Variants in ANKRD17 observed in about 807,000 individuals in gnomAD.
The protein encoded by ANKRD17 is ankyrin repeat domain-containing protein 17.
A neutral mutation model predicts 229.7 loss-of-function variants in ANKRD17; 19 were observed. The ratio of observed to expected loss-of-function variants is 0.08; its 90% CI spans 0.06 to 0.12. ANKRD17 has a LOEUF of 0.12. ANKRD17 is among the 10% of genes least tolerant of loss of function. The pLI is 1.00. For missense variants in ANKRD17, 2,176 were observed against 3,176.8 expected, an observed-to-expected ratio of 0.68 and a Z score of 7.57; for synonymous variants, 1,112 against 1,146.1, an observed-to-expected ratio of 0.97 and a Z score of 0.60.
chr4:73,254,405 C>T (rs573679971), intron 1 of ANKRD17, among the ~76,000 whole-genome samples: 145 of 152,282 alleles, frequency 9.5e-4, no homozygotes, highest in South Asian at 1.9e-3. Context: ...CTGATCAACT[C>T]CTACTGTATT....
In ANKRD17 at chr4:73,073,929, C is replaced by T. The variant is rs1720858364; in HGVS notation, c.*2302G>A. On this transcript the variant is annotated 3_prime_UTR_variant, in exon 34 of 34. Transcript: ENST00000358602. Reference sequence around the variant, plus strand: ...ATGATGTAGTCTGCATATACACATACCACATATTTTCAAAATTAAAAAATA... The same window carrying T: ...ATGATGTAGTCTGCATATACACATATCACATATTTTCAAAATTAAAAAATA... The T allele has an allele frequency of 1.3e-5, 2 of 151,902 alleles. No homozygotes were observed. Among genetic ancestry groups the T allele is most frequent in the Admixed American group, 6.6e-5 (1 of 15,252 alleles). 9.4% of individuals were successfully genotyped at this position (151,902 alleles called of 1,614,324 possible).
intron 1 of ANKRD17, among the ~76,000 whole-genome samples, chr4:73,213,238 C>T (rs145398244): frequency 1.3e-5 from 2 of 152,038 alleles, no homozygotes; most frequent in Non-Finnish European, 2.9e-5. Context: ...AGGACAGATT[C>T]AAGGTTAGAA....
chr4:73,138,964 T>C (rs1279661329), intron 15 of ANKRD17, among the ~76,000 whole-genome samples: 1 of 152,148 alleles, frequency 6.6e-6, no homozygotes, highest in Non-Finnish European at 1.5e-5. Flanking sequence ...GACTACACAT[T>C]AACATTCACA....
Position 73,237,250 on chromosome 4 carries a change from G to A in ANKRD17, c.393+21026C>T, listed in dbSNP as rs551413898. ...GCAAAGCTGTTCTTCTGGGATCCCT[G>A]GGATACAAAACAAAACTGCTCATGC... On this transcript the variant is annotated intron_variant, in intron 1 of 33. Coordinates refer to ENST00000358602, the MANE Select transcript of ANKRD17 (RefSeq NM_032217.5). Among the ~76,000 whole-genome samples, 5 of 152,224 alleles carry A rather than the reference G, an allele frequency of 3.3e-5. No homozygotes were observed. The East Asian group carries it at 9.7e-4, about 29-fold the overall frequency.
At chr4:73,246,879 C>A (rs183444979) in intron 1 of ANKRD17, among the ~76,000 whole-genome samples, 1 of 152,024 alleles carries the variant, frequency 6.6e-6, no homozygotes, top group Non-Finnish European at 1.5e-5. Context: ...AAAAAGAGAT[C>A]CATGTATCTT....
chr4:73,139,937 A>G lies in ANKRD17; in HGVS notation c.2679T>C (p.Ala893=), dbSNP rs1283892923. 6.2e-7 allele frequency: 1 copy of G among 1,614,144 alleles called. No homozygotes were observed. The highest frequency in any genetic ancestry group is 8.5e-7 in the Non-Finnish European group (1 of 1,180,046). Residue 893 remains alanine (A), a synonymous_variant, in exon 15 of 34, where the codon GCT becomes GCC. Coordinates refer to ENST00000358602, the MANE Select transcript of ANKRD17 (RefSeq NM_032217.5). ...GCTGTTGCTGAAGTTGAATTCTTTG[A>G]GCTTTAACCTCTAGATACTGCTTTT... is the stretch of plus-strand genomic sequence containing the variant. ...QLKKQYLEVK[A]QRIQLQQQQQ... is the part of the protein sequence containing the mutation.
At chr4:73,196,311 C>T (rs1737879379) in intron 1 of ANKRD17, among the ~76,000 whole-genome samples, 1 of 152,060 alleles carries the variant, frequency 6.6e-6, no homozygotes, top group Admixed American at 6.6e-5. Flanking sequence ...GTTTCTGTTG[C>T]TTTTAATTTC....
intron 3 of ANKRD17, 111 bp downstream of exon 3, chr4:73,161,081 T>C (rs1578231305): frequency 7.7e-7 from 1 of 1,301,952 alleles, no homozygotes; most frequent in Non-Finnish European, 1.0e-6. Flanking sequence ...ACATGTTAAG[T>C]GGTTAGCACA....
chr4:73,137,739 T>C (rs1445089861), intron 15 of ANKRD17, among the ~76,000 whole-genome samples: 1 of 152,190 alleles, frequency 6.6e-6, no homozygotes, highest in Non-Finnish European at 1.5e-5. Flanking sequence ...AAGTAAAATA[T>C]TTTTGTATTA....
At chr4:73,222,035 G>A (rs567433060) in intron 1 of ANKRD17, among the ~76,000 whole-genome samples, 26 of 152,136 alleles carry the variant, frequency 1.7e-4, no homozygotes, top group Admixed American at 1.6e-3. Flanking sequence ...TAATCTTCCT[G>A]AAGATGTGAA....
chr4:73,168,078 G>A (rs949675605), intron 2 of ANKRD17, among the ~76,000 whole-genome samples: 5 of 151,980 alleles, frequency 3.3e-5, no homozygotes, highest in African/African-American at 1.2e-4. Flanking sequence ...CCATGAACCC[G>A]GGAGGCGGAG....
intron 2 of ANKRD17, among the ~76,000 whole-genome samples, chr4:73,173,092 A>G (rs1333402839): frequency 2.6e-5 from 4 of 152,218 alleles, no homozygotes; most frequent in Non-Finnish European, 5.9e-5. Context: ...AGATGCACAC[A>G]GAGTGAAAAT....
At chr4:73,118,953 C>T (rs1726352951) in intron 21 of ANKRD17, 103 bp from the exon 22 acceptor site, 2 of 1,216,656 alleles carry the variant, frequency 1.6e-6, no homozygotes, top group East Asian at 2.4e-5. Flanking sequence ...GTGGTGAGAT[C>T]ATGGCTCACT....
chr4:73,126,890 G>T (rs927309857), intron 16 of ANKRD17, among the ~76,000 whole-genome samples: 1 of 152,020 alleles, frequency 6.6e-6, no homozygotes. Flanking sequence ...CTGCCACCAC[G>T]CCCAGCTAGA....
chr4:73,186,882 C>T (rs1736367228), intron 1 of ANKRD17, among the ~76,000 whole-genome samples: 2 of 152,026 alleles, frequency 1.3e-5, no homozygotes, highest in Admixed American at 6.6e-5. Context: ...TAGCCTGCTC[C>T]AGGAATTATC....
intron 1 of ANKRD17, among the ~76,000 whole-genome samples, chr4:73,234,647 A>C (rs1743345761): frequency 6.6e-6 from 1 of 152,232 alleles, no homozygotes. Context: ...TAGGAAGTCA[A>C]GTTGGCTGGG....
chr4:73,101,204 C>T, intron 25 of ANKRD17: 3 of 974,838 alleles, frequency 3.1e-6, no homozygotes, highest in Non-Finnish European at 3.7e-6. Flanking sequence ...GATTACTATA[C>T]TTCCATCCCA....
At chr4:73,131,122 T>C (rs995408294) in intron 16 of ANKRD17, among the ~76,000 whole-genome samples, 5 of 152,216 alleles carry the variant, frequency 3.3e-5, no homozygotes, top group African/African-American at 1.2e-4. Context: ...CAGATTTTGA[T>C]AGCAGCAAAG....
intron 29 of ANKRD17, among the ~76,000 whole-genome samples, chr4:73,089,079 C>T (rs1388329766): frequency 9.3e-5 from 14 of 150,898 alleles, no homozygotes; most frequent in African/African-American, 3.4e-4. Context: ...GGGTCTCCAC[C>T]CAGGCTGGAA....
Sources: allele counts gnomAD v4.1 joint callset (sites outside exome capture counted in the v4.1 genomes callset), GRCh38; gene constraint gnomAD v4.1.1; transcripts MANE v1.5; gene names NCBI Gene and HGNC (gene_info 2026-07-23, HGNC 2026-07-21).